Variants in SH3GL2 observed in about 807,000 individuals in gnomAD.
SH3GL2 encodes the protein endophilin-A1.
A neutral mutation model predicts 46.0 loss-of-function variants in SH3GL2; 24 were observed. That is an observed-to-expected ratio of 0.52 (90% CI 0.38 to 0.73). The LOEUF is 0.73. Ranked by LOEUF, SH3GL2 falls within the 30% of genes least tolerant of loss-of-function variation. The pLI, the probability that SH3GL2 is intolerant of heterozygous loss-of-function variation, is 0.00. For missense variants in SH3GL2, 413 were observed against 424.2 expected (o/e 0.97, Z 0.23); for synonymous variants, 196 against 147.1 (o/e 1.33, Z -2.40).
chr9:17,742,918 G>T (rs1293392720), intron 1 of SH3GL2, among the ~76,000 whole-genome samples: 1 of 150,860 alleles, frequency 6.6e-6, no homozygotes, highest in East Asian at 2.0e-4. Context: ...CATATCTTTT[G>T]CTTTTAAATA....
At chr9:17,739,088 C>T (rs1438330435) in intron 1 of SH3GL2, among the ~76,000 whole-genome samples, 1 of 152,110 alleles carries the variant, frequency 6.6e-6, no homozygotes, top group Admixed American at 6.6e-5. Context: ...CCTGTTGTGG[C>T]TCCATTTTGT....
intron 1 of SH3GL2, among the ~76,000 whole-genome samples, chr9:17,604,876 T>A (rs1588167620): frequency 6.6e-6 from 1 of 152,138 alleles, no homozygotes; most frequent in African/African-American, 2.4e-5. Context: ...GTCACCGGAC[T>A]TCTCTAGGTC....
At chr9:17,783,522 T>C (rs1298026342) in intron 3 of SH3GL2, among the ~76,000 whole-genome samples, 1 of 152,006 alleles carries the variant, frequency 6.6e-6, no homozygotes, top group Non-Finnish European at 1.5e-5. Flanking sequence ...CCTTTGGCTG[T>C]TCCCAGAATT....
chr9:17,793,950 G>A (rs1824204452), intron 8 of SH3GL2, among the ~76,000 whole-genome samples: 1 of 152,240 alleles, frequency 6.6e-6, no homozygotes, highest in South Asian at 2.1e-4. Context: ...CTCCAGAAAT[G>A]TGCTGATGAG....
intron 1 of SH3GL2, among the ~76,000 whole-genome samples, chr9:17,670,194 T>C (rs2117955349): frequency 6.6e-6 from 1 of 152,288 alleles, no homozygotes. Context: ...ATGGTGGACA[T>C]GCCTGGCCCC....
At chr9:17,654,927 G>A (rs1820038513) in intron 1 of SH3GL2, among the ~76,000 whole-genome samples, 1 of 152,164 alleles carries the variant, frequency 6.6e-6, no homozygotes, top group Admixed American at 6.5e-5. Flanking sequence ...GCTCCTCCTG[G>A]AGGATGTGAT....
intron 1 of SH3GL2, among the ~76,000 whole-genome samples, chr9:17,606,088 T>TTG (rs1818755966): frequency 6.8e-6 from 1 of 146,552 alleles, no homozygotes; most frequent in African/African-American, 2.7e-5. Flanking sequence ...GCGTGAGGTT[T>TTG]GTTTGTTTGT....
At chr9:17,587,669 G>C (rs1378418389) in intron 1 of SH3GL2, among the ~76,000 whole-genome samples, 4 of 152,192 alleles carry the variant, frequency 2.6e-5, no homozygotes, top group Non-Finnish European at 5.9e-5. Context: ...CCTGAGGCCA[G>C]GGGTTCAAGA....
intron 1 of SH3GL2, among the ~76,000 whole-genome samples, chr9:17,582,625 A>G (rs1396139265): frequency 6.6e-6 from 1 of 152,228 alleles, no homozygotes; most frequent in South Asian, 2.1e-4. Flanking sequence ...AAAGTAAAAT[A>G]TATTAGGTCA....
At chr9:17,657,914 C>T (rs1316946845) in intron 1 of SH3GL2, among the ~76,000 whole-genome samples, 2 of 152,124 alleles carry the variant, frequency 1.3e-5, no homozygotes, top group African/African-American at 4.8e-5. Context: ...TCAAGATACT[C>T]ATTTTGTGGT....
intron 1 of SH3GL2, among the ~76,000 whole-genome samples, chr9:17,602,580 A>T (rs1453538522): frequency 6.6e-6 from 1 of 152,208 alleles, no homozygotes; most frequent in Admixed American, 6.5e-5. Context: ...AATGAGGAGT[A>T]ACCGGATCCC....
At chr9:17,772,100 G>A (rs1823498957) in intron 3 of SH3GL2, among the ~76,000 whole-genome samples, 1 of 152,172 alleles carries the variant, frequency 6.6e-6, no homozygotes, top group Non-Finnish European at 1.5e-5. Context: ...CAGACTTGTA[G>A]ATGCTCTGAG....
intron 1 of SH3GL2, among the ~76,000 whole-genome samples, chr9:17,605,059 A>G (rs980670886): frequency 3.3e-5 from 5 of 151,254 alleles, no homozygotes; most frequent in African/African-American, 9.7e-5. Flanking sequence ...TGCAACCTCA[A>G]CTTCCTGGGC....
intron 1 of SH3GL2, among the ~76,000 whole-genome samples, chr9:17,653,320 G>C (rs1288643758): frequency 6.6e-6 from 1 of 151,982 alleles, no homozygotes; most frequent in East Asian, 1.9e-4. Context: ...ATATTTGACT[G>C]TTATTTCTTC....
chr9:17,603,365 T>C (rs928772078), intron 1 of SH3GL2, among the ~76,000 whole-genome samples: 2 of 152,134 alleles, frequency 1.3e-5, no homozygotes, highest in Admixed American at 1.3e-4. Flanking sequence ...GACATTAAGC[T>C]AAGTTAAATA....
chr9:17,726,025 A>G (rs1387486250), intron 1 of SH3GL2, among the ~76,000 whole-genome samples: 2 of 152,118 alleles, frequency 1.3e-5, no homozygotes. Flanking sequence ...GATTCTTGCC[A>G]TTCTTACCAA....
chr9:17,649,808 T>G (rs1246965611), intron 1 of SH3GL2, among the ~76,000 whole-genome samples: 1 of 152,220 alleles, frequency 6.6e-6, no homozygotes, highest in Non-Finnish European at 1.5e-5. Flanking sequence ...ATGCCTGAAT[T>G]TTGGCAGATA....
chr9:17,753,723 G>A (rs1044303011), intron 2 of SH3GL2, among the ~76,000 whole-genome samples: 1 of 152,018 alleles, frequency 6.6e-6, no homozygotes, highest in African/African-American at 2.4e-5. Flanking sequence ...AATTGCTTTT[G>A]GTGTCTTCCT....
At chr9:17,725,172 A>G (rs1410217761) in intron 1 of SH3GL2, among the ~76,000 whole-genome samples, 1 of 152,110 alleles carries the variant, frequency 6.6e-6, no homozygotes, top group Non-Finnish European at 1.5e-5. Context: ...AAGCCCCTCA[A>G]GTTAGTAAGG....
Sources: gnomAD v4.1 joint callset for allele counts (sites outside exome capture counted in the v4.1 genomes callset) on GRCh38, gnomAD v4.1.1 for gene constraint, MANE v1.5 for transcripts, NCBI Gene and HGNC (gene_info 2026-07-23, HGNC 2026-07-21) for gene names.